PTN: variants seen among roughly 807,000 people sequenced by gnomAD.
PTN encodes the protein heparin affin regulatory protein.
In PTN, 18 loss-of-function variants were observed where a neutral mutation model predicts 24.1. The ratio of observed to expected loss-of-function variants is 0.75; its 90% CI spans 0.52 to 1.11. The LOEUF is 1.11. Ranked by LOEUF, PTN falls within the 50% of genes least tolerant of loss-of-function variation. PTN has a pLI of 0.00. For missense variants in PTN, 163 were observed against 198.8 expected (o/e 0.82, Z 1.08); for synonymous variants, 78 against 68.6 (o/e 1.14, Z -0.67).
chr7:137,303,009 A>G (rs535541191), intron 1 of PTN, among the ~76,000 whole-genome samples: 5 of 152,144 alleles, frequency 3.3e-5, no homozygotes, highest in East Asian at 3.9e-4. Context: ...AATCATATCA[A>G]TAAGGCACTG....
chr7:137,242,485 G>A (rs1293253683), intron 4 of PTN, among the ~76,000 whole-genome samples: 8 of 152,174 alleles, frequency 5.3e-5, no homozygotes, highest in African/African-American at 1.9e-4. Flanking sequence ...ATCTCTGCCA[G>A]TCCCAAAAAC....
chr7:137,342,587 ATG>A (rs1291303255), intron 1 of PTN, among the ~76,000 whole-genome samples: 1 of 151,676 alleles, frequency 6.6e-6, no homozygotes, highest in Admixed American at 6.6e-5. Flanking sequence ...GTGTGTGTGT[ATG>A]GAGAGGAGAG....
At chr7:137,247,550 G>A (rs1808745722) in intron 4 of PTN, among the ~76,000 whole-genome samples, 1 of 151,926 alleles carries the variant, frequency 6.6e-6, no homozygotes, top group Admixed American at 6.6e-5. Flanking sequence ...TGGTTAATGG[G>A]TACAAAAAAA....
chr7:137,340,502 C>T (rs1293558692), intron 1 of PTN, among the ~76,000 whole-genome samples: 3 of 152,112 alleles, frequency 2.0e-5, no homozygotes, highest in African/African-American at 2.4e-5. Context: ...CAACTTTCCA[C>T]GAGGCCATGG....
intron 4 of PTN, among the ~76,000 whole-genome samples, chr7:137,242,244 G>A (rs1286095186): frequency 6.6e-6 from 1 of 152,134 alleles, no homozygotes; most frequent in Non-Finnish European, 1.5e-5. Flanking sequence ...GATCTTTAAA[G>A]ATGAATTGTC....
At chr7:137,281,536 C>T (rs1809474899) in intron 1 of PTN, among the ~76,000 whole-genome samples, 1 of 152,186 alleles carries the variant, frequency 6.6e-6, no homozygotes, top group Non-Finnish European at 1.5e-5. Context: ...GACTCTCAAG[C>T]CTTACTCCAG....
intron 1 of PTN, among the ~76,000 whole-genome samples, chr7:137,339,568 C>A (rs376270928): frequency 4.2e-3 from 523 of 123,600 alleles, no homozygotes; most frequent in Non-Finnish European, 4.8e-3. Flanking sequence ...GGTCTTGAAT[C>A]AAAAAAAAAA....
At chr7:137,302,488 G>A (rs55808866) in intron 1 of PTN, among the ~76,000 whole-genome samples, 5,785 of 152,048 alleles carry the variant, frequency 0.038, 138 homozygotes, top group Middle Eastern at 0.1. Flanking sequence ...ATGAAGAAAG[G>A]AATTCAGAAA....
intron 1 of PTN, among the ~76,000 whole-genome samples, chr7:137,307,791 CG>C (rs1809913622): frequency 6.6e-6 from 1 of 152,014 alleles, no homozygotes; most frequent in African/African-American, 2.4e-5. Flanking sequence ...GAAAGGCAGA[CG>C]AAGTAATTTG....
At chr7:137,262,642 C>G (rs1809062313) in intron 1 of PTN, among the ~76,000 whole-genome samples, 1 of 152,020 alleles carries the variant, frequency 6.6e-6, no homozygotes, top group Non-Finnish European at 1.5e-5. Context: ...ACTTCTGTCC[C>G]TTTTAAGGGC....
chr7:137,265,525 C>T (rs72611538), intron 1 of PTN, among the ~76,000 whole-genome samples: 17,654 of 152,232 alleles, frequency 0.12, 1,294 homozygotes, highest in East Asian at 0.26. Flanking sequence ...TGAGAGACAA[C>T]GAAGTGAACT....
chr7:137,282,678 A>G (rs2128876218), intron 1 of PTN, among the ~76,000 whole-genome samples: 1 of 152,364 alleles, frequency 6.6e-6, no homozygotes, highest in South Asian at 2.1e-4. Flanking sequence ...AAAGCATTAC[A>G]TTAATAAAGT....
At chr7:137,281,554 G>C (rs961906485) in intron 1 of PTN, among the ~76,000 whole-genome samples, 1 of 152,162 alleles carries the variant, frequency 6.6e-6, no homozygotes. Flanking sequence ...CAGCACTTTT[G>C]AATGAGAATT....
At chr7:137,282,826 C>A (rs1809494642) in intron 1 of PTN, among the ~76,000 whole-genome samples, 1 of 151,996 alleles carries the variant, frequency 6.6e-6, no homozygotes, top group Non-Finnish European at 1.5e-5. Context: ...TTTCCAAAAG[C>A]AAAATCGCAA....
At chr7:137,309,563 C>T (rs2128879631) in intron 1 of PTN, among the ~76,000 whole-genome samples, 1 of 152,240 alleles carries the variant, frequency 6.6e-6, no homozygotes, top group South Asian at 2.1e-4. Flanking sequence ...CTAAGCGACT[C>T]CTCTCACACC....
At chr7:137,305,170 G>A (rs1809868228) in intron 1 of PTN, among the ~76,000 whole-genome samples, 1 of 151,874 alleles carries the variant, frequency 6.6e-6, no homozygotes, top group Admixed American at 6.6e-5. Context: ...TATAAAAATC[G>A]GCACTAAATT....
chr7:137,331,007 T>C (rs1241993381), intron 1 of PTN, among the ~76,000 whole-genome samples: 1 of 152,202 alleles, frequency 6.6e-6, no homozygotes, highest in Non-Finnish European at 1.5e-5. Flanking sequence ...GAAGTTCCTC[T>C]GTCCAGGAAT....
intron 4 of PTN, among the ~76,000 whole-genome samples, chr7:137,243,060 C>T (rs541692585): frequency 2.0e-5 from 3 of 152,318 alleles, no homozygotes; most frequent in African/African-American, 7.2e-5. Flanking sequence ...CCTCAGCCTC[C>T]CAAGTAGCTG....
Position 137,343,643 on chromosome 7 carries a change from C to T in PTN, c.-206G>A, listed in dbSNP as rs1222574809. On this transcript the variant is annotated 5_prime_UTR_variant, in exon 1 of 5. Transcript: ENST00000348225. ...TTCCTCTGCTCTGGGGCTCTCTTGG[C>T]GGGATTTTTGGACTGGAAGGCGGGG... 1 of 518,416 alleles carries T rather than the reference C, an allele frequency of 1.9e-6. No individual in the cohort carries two copies. Among genetic ancestry groups the T allele is most frequent in the African/African-American group, 1.9e-5 (1 of 51,886 alleles). The allele number at this position is 518,416 out of a possible 1,614,324, so 32.1% of individuals were successfully genotyped here.
Sources: allele counts gnomAD v4.1 joint callset (sites outside exome capture counted in the v4.1 genomes callset), GRCh38; gene constraint gnomAD v4.1.1; transcripts MANE v1.5; gene names NCBI Gene and HGNC (gene_info 2026-07-23, HGNC 2026-07-21).